The following PDZRN4 variants were observed in gnomAD, a reference collection of about 807,000 sequenced individuals.
PDZRN4 encodes PDZ domain containing ring finger 4, also known as PDZ domain-containing RING finger protein 4.
In PDZRN4, 70 loss-of-function variants were observed where a neutral mutation model predicts 99.0. The ratio of observed to expected loss-of-function variants is 0.71; its 90% CI spans 0.58 to 0.86. The LOEUF is 0.86. Ranked by LOEUF, PDZRN4 falls within the 40% of genes least tolerant of loss-of-function variation. The probability of loss-of-function intolerance (pLI) is 0.00; values close to 1 mark genes in which losing one functional copy is unlikely to be tolerated. For missense variants in PDZRN4, 1,474 were observed against 1,331.2 expected (o/e 1.11, Z -1.67); for synonymous variants, 551 against 501.6 (o/e 1.10, Z -1.32).
intron 3 of PDZRN4, among the ~76,000 whole-genome samples, chr12:41,498,081 C>T (rs754197754): frequency 2.0e-5 from 3 of 151,940 alleles, no homozygotes; most frequent in Non-Finnish European, 2.9e-5. Flanking sequence ...TTCACCTAGG[C>T]TCCCCAAATT....
chr12:41,484,435 TC>T (rs1466561272), intron 3 of PDZRN4, among the ~76,000 whole-genome samples: 1 of 152,186 alleles, frequency 6.6e-6, no homozygotes, highest in East Asian at 1.9e-4. Flanking sequence ...TCCTGACTGT[TC>T]CTGAGCTAGC....
At chr12:41,418,259 G>A (rs565152655) in intron 3 of PDZRN4, among the ~76,000 whole-genome samples, 4 of 152,214 alleles carry the variant, frequency 2.6e-5, no homozygotes, top group South Asian at 4.1e-4. Flanking sequence ...TGGAAACATT[G>A]TTTTCATTCT....
At chr12:41,383,342 C>G (rs1458176) in intron 3 of PDZRN4, among the ~76,000 whole-genome samples, 2 of 151,966 alleles carry the variant, frequency 1.3e-5, no homozygotes, top group Non-Finnish European at 2.9e-5. Context: ...GCAGAAAATC[C>G]GAAAAGAAAT....
chr12:41,280,534 GC>G lies in PDZRN4; in HGVS notation c.843+86347del, dbSNP rs572375838. 9.2e-5 allele frequency among the ~76,000 whole-genome samples: 14 copies of G among 152,252 alleles called. No individual in the cohort carries two copies. The East Asian group carries it at 1.4e-3, about 15-fold the overall frequency. On this transcript the variant is annotated intron_variant, in intron 3 of 9. Transcript: ENST00000402685. ...ACACTCGAGCTTGGTGCGGGGAGGG[GC>G]GTCCGCATTACTGAGGCTTAATTAG...
chr12:41,292,015 T>C (rs181540970), intron 3 of PDZRN4, among the ~76,000 whole-genome samples: 1 of 152,260 alleles, frequency 6.6e-6, no homozygotes, highest in African/African-American at 2.4e-5. Context: ...TCCACCCAGG[T>C]TGTGTTTGGC....
intron 5 of PDZRN4, among the ~76,000 whole-genome samples, chr12:41,520,417 A>C (rs1223139554): frequency 1.3e-5 from 2 of 152,052 alleles, no homozygotes; most frequent in African/African-American, 4.8e-5. Flanking sequence ...CAATGACTAA[A>C]TCTTAAAGAC....
chr12:41,492,652 C>G (rs1235858346), intron 3 of PDZRN4, among the ~76,000 whole-genome samples: 12 of 151,968 alleles, frequency 7.9e-5, no homozygotes, highest in Non-Finnish European at 1.8e-4. Context: ...TAAGATGGAG[C>G]TACCCAAAGT....
chr12:41,377,613 G>A (rs915450365), intron 3 of PDZRN4, among the ~76,000 whole-genome samples: 2 of 151,950 alleles, frequency 1.3e-5, no homozygotes, highest in African/African-American at 4.8e-5. Context: ...GCAGCGAGCT[G>A]AGATCATGCC....
intron 3 of PDZRN4, among the ~76,000 whole-genome samples, chr12:41,321,890 G>A (rs1482461731): frequency 6.6e-6 from 1 of 152,060 alleles, no homozygotes. Context: ...AAAACTTACT[G>A]TTTTCTCCTT....
intron 3 of PDZRN4, chr12:41,411,566 C>T (rs1363640146): frequency 6.6e-6 from 1 of 152,188 alleles, no homozygotes; most frequent in Non-Finnish European, 1.5e-5. Flanking sequence ...AACAAAAGCA[C>T]AGATATTGCA....
In PDZRN4 at chr12:41,239,668, A is replaced by C. The variant is rs576679088; in HGVS notation, c.843+45480A>C. The stretch of plus-strand genomic sequence containing the variant: ...AAAGGTGACAAAAGACACATCAAAT[A>C]AGTCATTTTCAAGAAATCGGATTTT... On this transcript the variant is annotated intron_variant, in intron 3 of 9. Coordinates refer to ENST00000402685, the MANE Select transcript of PDZRN4 (RefSeq NM_001164595.2). Among the ~76,000 whole-genome samples the C allele has an allele frequency of 2.6e-5, 4 of 152,334 alleles. No individual in the cohort carries two copies. In the East Asian group the frequency reaches 7.7e-4, roughly 29 times the overall value.
intron 3 of PDZRN4, among the ~76,000 whole-genome samples, chr12:41,397,622 T>C (rs564769057): frequency 1.8e-4 from 27 of 152,306 alleles, no homozygotes; most frequent in Middle Eastern, 3.4e-3. Context: ...CAGTCTTTTT[T>C]AGTACATTAA....
At chr12:41,549,011 C>T (rs138576891) in intron 5 of PDZRN4, among the ~76,000 whole-genome samples, 75 of 152,152 alleles carry the variant, frequency 4.9e-4, no homozygotes, top group Non-Finnish European at 8.7e-4. Context: ...CAGAATAGCA[C>T]GTCTTGAAGT....
chr12:41,512,981 G>A (rs1938333980), intron 5 of PDZRN4, among the ~76,000 whole-genome samples: 1 of 152,034 alleles, frequency 6.6e-6, no homozygotes, highest in Non-Finnish European at 1.5e-5. Flanking sequence ...CTGCATTTCT[G>A]AACTTGCTAA....
chr12:41,464,820 C>CTTTTTTTTTTTTTTTTTT (rs5797739), intron 3 of PDZRN4, among the ~76,000 whole-genome samples: 1 of 104,842 alleles, frequency 9.5e-6, no homozygotes, highest in Non-Finnish European at 1.9e-5. Flanking sequence ...GCCTGTTGTA[C>CTTTTTTTTTTTTTTTTTT]TTTTTTTTTT....
intron 3 of PDZRN4, among the ~76,000 whole-genome samples, chr12:41,302,935 TAC>T (rs71846165): frequency 0.4 from 50,469 of 127,008 alleles, 8,464 homozygotes; most frequent in Admixed American, 0.43. Flanking sequence ...ATATATAAAA[TAC>T]ACACACACAC....
chr12:41,395,390 G>T (rs1952239440), intron 3 of PDZRN4, among the ~76,000 whole-genome samples: 2 of 152,108 alleles, frequency 1.3e-5, no homozygotes, highest in African/African-American at 4.8e-5. Flanking sequence ...GAAATTATTT[G>T]ATTGGGTCTC....
chr12:41,406,605 C>T (rs974637627), intron 3 of PDZRN4, among the ~76,000 whole-genome samples: 3 of 152,124 alleles, frequency 2.0e-5, no homozygotes, highest in East Asian at 3.9e-4. Context: ...CTTAAAAAGA[C>T]AATTCAGGCC....
chr12:41,232,971 A>C (rs1951038705), intron 3 of PDZRN4, among the ~76,000 whole-genome samples: 1 of 152,100 alleles, frequency 6.6e-6, no homozygotes, highest in Admixed American at 6.6e-5. Context: ...CAAAGATCAG[A>C]TAGATGTAGA....
Sources: gnomAD v4.1 joint callset for allele counts (sites outside exome capture counted in the v4.1 genomes callset) on GRCh38, gnomAD v4.1.1 for gene constraint, MANE v1.5 for transcripts, NCBI Gene and HGNC (gene_info 2026-07-23, HGNC 2026-07-21) for gene names.